The following PIK3C3 variants were observed in gnomAD, a reference collection of about 807,000 sequenced individuals.
PIK3C3 encodes PI3-kinase type 3.
PIK3C3 carries 95 observed loss-of-function variants against 126.1 expected under a neutral mutation model. The ratio of observed to expected loss-of-function variants is 0.75; its 90% CI spans 0.64 to 0.89. PIK3C3 has a LOEUF of 0.89. Among genes scored for constraint, PIK3C3 ranks in the 40% least tolerant of loss-of-function variants. The pLI is 0.00. For synonymous variants in PIK3C3, 374 were observed against 360.0 expected, an observed-to-expected ratio of 1.04 and a Z score of -0.44; for missense variants, 829 against 1,063.2, an observed-to-expected ratio of 0.78 and a Z score of 3.06.
intron 13 of PIK3C3, 78 bp downstream of exon 13, chr18:42,020,783 G>T: frequency 1.3e-6 from 1 of 796,170 alleles, no homozygotes; most frequent in Non-Finnish European, 2.1e-6. Context: ...ACACAAAGAT[G>T]ATTTAAAATA....
chr18:42,077,795 G>C (rs961555226), intron 24 of PIK3C3, among the ~76,000 whole-genome samples: 2 of 152,172 alleles, frequency 1.3e-5, no homozygotes, highest in Non-Finnish European at 2.9e-5. Context: ...CTAGAATGGT[G>C]AATCCTTTCC....
intron 24 of PIK3C3, among the ~76,000 whole-genome samples, chr18:42,075,207 T>G (rs62082880): frequency 6.6e-6 from 1 of 151,934 alleles, no homozygotes; most frequent in Non-Finnish European, 1.5e-5. Context: ...AATTTTATCA[T>G]TAGGAATGAA....
intron 12 of PIK3C3, among the ~76,000 whole-genome samples, chr18:42,016,792 T>C (rs571446804): frequency 2.7e-4 from 41 of 152,122 alleles, no homozygotes; most frequent in Middle Eastern, 6.8e-3. Context: ...CAGGAGAGAA[T>C]TGGATATCAG....
intron 5 of PIK3C3, among the ~76,000 whole-genome samples, chr18:41,989,041 A>G (rs1266177634): frequency 1.3e-5 from 2 of 152,084 alleles, no homozygotes; most frequent in Non-Finnish European, 2.9e-5. Context: ...CATAAAGCTG[A>G]AGAATTTAAG....
chr18:42,012,416 A>G (rs2083385366), intron 10 of PIK3C3, among the ~76,000 whole-genome samples: 1 of 152,154 alleles, frequency 6.6e-6, no homozygotes, highest in African/African-American at 2.4e-5. Context: ...TAAAGAGGAG[A>G]CTGAAGTTGA....
intron 3 of PIK3C3, among the ~76,000 whole-genome samples, chr18:41,964,819 G>C (rs77375690): frequency 0.045 from 6,796 of 152,174 alleles, 499 homozygotes; most frequent in African/African-American, 0.15. Flanking sequence ...CAGGAAAAGA[G>C]TGTGTCAGAA....
At chr18:42,062,579 C>T (rs141270354) in intron 22 of PIK3C3, among the ~76,000 whole-genome samples, 6 of 152,214 alleles carry the variant, frequency 3.9e-5, no homozygotes, top group African/African-American at 1.4e-4. Flanking sequence ...CCTTCATTAT[C>T]ATTATAAAGG....
intron 16 of PIK3C3, among the ~76,000 whole-genome samples, chr18:42,034,996 A>G (rs1983985480): frequency 6.6e-6 from 1 of 152,318 alleles, no homozygotes; most frequent in African/African-American, 2.4e-5. Flanking sequence ...GGTGTTATGG[A>G]TGGATAGTTA....
At chr18:42,058,603 T>C (rs906181267) in intron 22 of PIK3C3, among the ~76,000 whole-genome samples, 29 of 152,240 alleles carry the variant, frequency 1.9e-4, no homozygotes, top group African/African-American at 7.0e-4. Context: ...ATGTTAAATA[T>C]GATTTTTATC....
intron 4 of PIK3C3, among the ~76,000 whole-genome samples, chr18:41,980,005 C>T (rs937445551): frequency 5.3e-5 from 8 of 151,832 alleles, no homozygotes; most frequent in African/African-American, 1.4e-4. Flanking sequence ...CACTTCCTTC[C>T]GCCTTGAATA....
intron 15 of PIK3C3, among the ~76,000 whole-genome samples, chr18:42,031,541 C>T (rs564735390): frequency 2.6e-5 from 4 of 152,134 alleles, no homozygotes; most frequent in East Asian, 1.9e-4. Flanking sequence ...TAACCTGCCT[C>T]AGCCTCCCAG....
chr18:42,037,584 C>T, intron 16 of PIK3C3, 108 bp from the exon 17 acceptor site: 1 of 975,766 alleles, frequency 1.0e-6, no homozygotes, highest in Non-Finnish European at 1.5e-6. Context: ...TTTTTAGGTC[C>T]TATTTACCTG....
intron 10 of PIK3C3, among the ~76,000 whole-genome samples, chr18:42,006,838 G>A (rs1214504768): frequency 6.6e-6 from 1 of 150,708 alleles, no homozygotes; most frequent in African/African-American, 2.4e-5. Context: ...AGGGTAGGTG[G>A]GTATGTTTTA....
chr18:42,031,851 C>G (rs1036344626), intron 15 of PIK3C3, among the ~76,000 whole-genome samples: 5 of 152,142 alleles, frequency 3.3e-5, no homozygotes, highest in Admixed American at 6.5e-5. Flanking sequence ...GTATTGCATG[C>G]CTACTCTGTG....
intron 9 of PIK3C3, among the ~76,000 whole-genome samples, chr18:41,999,106 A>T (rs1982162377): frequency 6.6e-6 from 1 of 151,852 alleles, no homozygotes; most frequent in South Asian, 2.1e-4. Context: ...TCAGATGAAA[A>T]CCTTCTAGTC....
chr18:42,057,289 A>G (rs1400556790), intron 21 of PIK3C3, among the ~76,000 whole-genome samples: 6 of 144,496 alleles, frequency 4.2e-5, no homozygotes, highest in Admixed American at 3.5e-4. Flanking sequence ...CTCTTACTAT[A>G]CAATGAAAAC....
intron 3 of PIK3C3, among the ~76,000 whole-genome samples, chr18:41,964,921 G>T (rs1980279677): frequency 6.6e-6 from 1 of 152,102 alleles, no homozygotes. Context: ...GTTTAATGTG[G>T]CTATTAAAGA....
chr18:42,058,139 T>C, intron 22 of PIK3C3, 88 bp downstream of exon 22: 1 of 1,052,830 alleles, frequency 9.5e-7, no homozygotes, highest in Non-Finnish European at 1.3e-6. Context: ...ATGCATTCTT[T>C]AGCATTGATC....
chr18:42,049,576 A>C lies in PIK3C3; in HGVS notation c.2234A>C (p.His745Pro), dbSNP rs1481869058. ...ITYILGVGDR[H>P]LDNLLLTKTG... ...TATATACTTGGAGTTGGAGACAGGC[A>C]CCTGGATAACCTTTTGCTAACAAAA... is the stretch of plus-strand genomic sequence containing the variant. The change falls in exon 21 of 25, where the codon CAC becomes CCC. Residue 745 changes from histidine to proline, a missense_variant. His to Pro is a moderately conservative substitution (Grantham distance 77). Coordinates refer to ENST00000262039, the MANE Select transcript of PIK3C3 (RefSeq NM_002647.4). 1 of 1,613,634 alleles carries C rather than the reference A, an allele frequency of 6.2e-7. No homozygotes were observed.
Sources: allele counts gnomAD v4.1 joint callset (sites outside exome capture counted in the v4.1 genomes callset), GRCh38; gene constraint gnomAD v4.1.1; transcripts MANE v1.5; gene names NCBI Gene and HGNC (gene_info 2026-07-23, HGNC 2026-07-21).